Variants in IQCM observed in about 807,000 individuals in gnomAD.
The protein encoded by IQCM is IQ motif containing M, also known as IQ domain-containing protein M.
In IQCM, 45 loss-of-function variants were observed where a neutral mutation model predicts 57.6. The observed-to-expected ratio is 0.78, with a 90% confidence interval of 0.62 to 1.00. The LOEUF (loss-of-function observed/expected upper bound fraction) is 1.00. Ranked by LOEUF, IQCM falls within the 50% of genes least tolerant of loss-of-function variation. The probability of loss-of-function intolerance (pLI) is 0.00; values close to 1 mark genes in which losing one functional copy is unlikely to be tolerated. For synonymous variants in IQCM, 148 were observed against 158.9 expected, an observed-to-expected ratio of 0.93 and a Z score of 0.51; for missense variants, 468 against 511.6, an observed-to-expected ratio of 0.91 and a Z score of 0.82.
intron 13 of IQCM, among the ~76,000 whole-genome samples, chr4:149,430,651 G>C (rs1734772780): frequency 6.6e-6 from 1 of 151,872 alleles, no homozygotes. Context: ...TTGAGATTCA[G>C]CCTTGTCGTT....
chr4:149,623,106 T>G (rs1048028926), intron 7 of IQCM, among the ~76,000 whole-genome samples: 3 of 152,152 alleles, frequency 2.0e-5, no homozygotes, highest in African/African-American at 4.8e-5. Context: ...CACTATACAT[T>G]ATATGTATAA....
intron 2 of IQCM, among the ~76,000 whole-genome samples, chr4:149,758,405 T>C (rs563544137): frequency 6.6e-6 from 1 of 152,240 alleles, no homozygotes; most frequent in East Asian, 1.9e-4. Flanking sequence ...AAAATCTAGA[T>C]AACTTGGTTT....
intron 8 of IQCM, among the ~76,000 whole-genome samples, chr4:149,600,689 C>G (rs983550336): frequency 6.6e-6 from 1 of 152,116 alleles, no homozygotes; most frequent in South Asian, 2.1e-4. Flanking sequence ...GACTATCACT[C>G]CTTGTTTGGA....
intron 13 of IQCM, among the ~76,000 whole-genome samples, chr4:149,379,251 T>G: frequency 6.6e-6 from 1 of 152,058 alleles, no homozygotes; most frequent in East Asian, 1.9e-4. Context: ...AGAGTCCTCA[T>G]TGGGGCACTG....
At chr4:149,775,526 T>C (rs1771011613) in intron 2 of IQCM, among the ~76,000 whole-genome samples, 1 of 152,204 alleles carries the variant, frequency 6.6e-6, no homozygotes, top group African/African-American at 2.4e-5. Flanking sequence ...ATAATGTTCT[T>C]TTCTATAGTT....
At chr4:149,700,018 C>T (rs1386875917) in intron 5 of IQCM, among the ~76,000 whole-genome samples, 1 of 151,886 alleles carries the variant, frequency 6.6e-6, no homozygotes, top group Non-Finnish European at 1.5e-5. Flanking sequence ...TTTTGTGGTA[C>T]TAACTGCATT....
intron 12 of IQCM, among the ~76,000 whole-genome samples, chr4:149,526,552 A>T (rs905665991): frequency 6.6e-6 from 1 of 152,104 alleles, no homozygotes; most frequent in Non-Finnish European, 1.5e-5. Flanking sequence ...GCCTGCTTAC[A>T]TTACACAAAT....
At chr4:149,694,045 A>G (rs1403442654) in intron 5 of IQCM, among the ~76,000 whole-genome samples, 1 of 152,106 alleles carries the variant, frequency 6.6e-6, no homozygotes, top group African/African-American at 2.4e-5. Context: ...ATTTCCCTTG[A>G]ATCCTCAGCA....
chr4:149,710,986 G>C (rs1174417414), intron 5 of IQCM: 1 of 152,104 alleles, frequency 6.6e-6, no homozygotes, highest in Non-Finnish European at 1.5e-5. Flanking sequence ...AAATGACACA[G>C]ACACTTGGGG....
chr4:149,762,359 T>A (rs1769607983), intron 2 of IQCM, among the ~76,000 whole-genome samples: 1 of 152,042 alleles, frequency 6.6e-6, no homozygotes, highest in Non-Finnish European at 1.5e-5. Flanking sequence ...AAAACAAGTT[T>A]AAGCAAAATA....
intron 9 of IQCM, among the ~76,000 whole-genome samples, chr4:149,583,595 A>T (rs1752399843): frequency 1.3e-5 from 2 of 151,620 alleles, no homozygotes; most frequent in Non-Finnish European, 1.5e-5. Flanking sequence ...ATACATCAAA[A>T]GAGTGTTTTA....
At chr4:149,607,088 C>G (rs986941587) in intron 8 of IQCM, among the ~76,000 whole-genome samples, 2 of 151,802 alleles carry the variant, frequency 1.3e-5, no homozygotes, top group African/African-American at 4.8e-5. Flanking sequence ...GGATTCAACC[C>G]AAGTAAGACT....
intron 12 of IQCM, among the ~76,000 whole-genome samples, chr4:149,474,610 G>A (rs901041321): frequency 4.0e-5 from 6 of 151,590 alleles, no homozygotes; most frequent in Non-Finnish European, 8.8e-5. Flanking sequence ...CCAGCTACTC[G>A]GGAGGCTTAG....
At chr4:149,544,931 C>G (rs1457298103) in intron 12 of IQCM, among the ~76,000 whole-genome samples, 1 of 152,084 alleles carries the variant, frequency 6.6e-6, no homozygotes, top group Non-Finnish European at 1.5e-5. Context: ...AAGTCTGAAG[C>G]CACAAAACTT....
chr4:149,526,009 G>T, intron 12 of IQCM, among the ~76,000 whole-genome samples: 1 of 151,834 alleles, frequency 6.6e-6, no homozygotes, highest in East Asian at 1.9e-4. Flanking sequence ...ATTAAAGTAA[G>T]TGTAAATCAT....
chr4:149,481,701 G>GTTTTTTTTTTTTGTTTTTTTTTT (rs751057249), intron 12 of IQCM, among the ~76,000 whole-genome samples: 7 of 51,580 alleles, frequency 1.4e-4, no homozygotes, highest in South Asian at 6.0e-4. Flanking sequence ...TTCCAGTTTT[G>GTTTTTTTTTTTTGTTTTTTTTTT]TTTTTTTTTT....
At chr4:149,759,955 C>G (rs1314027130) in intron 2 of IQCM, among the ~76,000 whole-genome samples, 2 of 150,948 alleles carry the variant, frequency 1.3e-5, no homozygotes, top group African/African-American at 4.9e-5. Context: ...TGAACAAAAT[C>G]AAAACTAGTT....
intron 13 of IQCM, among the ~76,000 whole-genome samples, chr4:149,384,457 C>G (rs1016810562): frequency 3.3e-5 from 5 of 152,130 alleles, no homozygotes; most frequent in African/African-American, 1.2e-4. Context: ...AGATACTACT[C>G]TTGTCACTGG....
At chr4:149,501,306 T>C (rs912299190) in intron 12 of IQCM, among the ~76,000 whole-genome samples, 1 of 152,228 alleles carries the variant, frequency 6.6e-6, no homozygotes, top group Non-Finnish European at 1.5e-5. Context: ...TGGTTCTGTC[T>C]GGAAGAAAGC....
Sources: gnomAD v4.1 joint callset for allele counts (sites outside exome capture counted in the v4.1 genomes callset) on GRCh38, gnomAD v4.1.1 for gene constraint, MANE v1.5 for transcripts, NCBI Gene and HGNC (gene_info 2026-07-23, HGNC 2026-07-21) for gene names.